PARVB: variants seen among roughly 807,000 people sequenced by gnomAD.
The protein encoded by PARVB is parvin beta.
A neutral mutation model predicts 47.0 loss-of-function variants in PARVB; 46 were observed. The ratio of observed to expected loss-of-function variants is 0.98; its 90% CI spans 0.77 to 1.25. The LOEUF (loss-of-function observed/expected upper bound fraction) is 1.25. Ranked by LOEUF, PARVB falls within the 50% of genes most tolerant of loss-of-function variation. The pLI is 0.00. For synonymous variants in PARVB, 196 were observed against 196.3 expected, an observed-to-expected ratio of 1.00 and a Z score of 0.01; for missense variants, 473 against 471.6, an observed-to-expected ratio of 1.00 and a Z score of -0.03.
At position 44,136,400 on chromosome 22, in the gene PARVB, A is replaced by G. The variant is rs1217642110; in HGVS notation, c.634-60A>G. 2.8e-6 allele frequency: 4 copies of G among 1,450,928 alleles called. No individual in the cohort carries two copies. The Admixed American group carries it at 5.0e-5, about 18-fold the overall frequency. 89.9% of individuals were successfully genotyped at this position (1,450,928 alleles called of 1,614,324 possible). ...GCCCCGCAGCTTCGTCTGCCCTGTC[A>G]GTGCATCTTTCCTCAACTCTCCACT... On this transcript the variant is annotated intron_variant, in intron 6 of 12. Transcript: ENST00000338758.
At chr22:44,162,739 GC>G (rs2054080195) in intron 11 of PARVB, 1 of 152,284 alleles carries the variant, frequency 6.6e-6, no homozygotes, top group South Asian at 2.1e-4. Context: ...CAGGTGGGTG[GC>G]TGGATGTAAT....
intron 2 of PARVB, among the ~76,000 whole-genome samples, chr22:44,014,628 G>A (rs1302109159): frequency 6.6e-6 from 1 of 152,192 alleles, no homozygotes; most frequent in African/African-American, 2.4e-5. Context: ...GCTCTGCAAA[G>A]CAATTTGGAA....
chr22:44,132,395 T>C (rs1256432380), intron 5 of PARVB, among the ~76,000 whole-genome samples: 1 of 152,198 alleles, frequency 6.6e-6, no homozygotes, highest in African/African-American at 2.4e-5. Flanking sequence ...GTCCGCATGC[T>C]GAGGAAGAGA....
chr22:44,023,537 CAAAATAAAATAAAATAAAAT>C (rs869277920), upstream of PARVB, among the ~76,000 whole-genome samples: 1,887 of 127,288 alleles, frequency 0.015, 52 homozygotes, highest in African/African-American at 0.048. Flanking sequence ...TAAAACAAAA[CAAAATAAAATAAAATAAAAT>C]AAAATAAAAT....
intron 1 of PARVB, among the ~76,000 whole-genome samples, chr22:44,086,183 C>T (rs1230688994): frequency 1.3e-5 from 2 of 152,122 alleles, no homozygotes; most frequent in Admixed American, 6.5e-5. Flanking sequence ...ATAAATACAC[C>T]GAGCTCATTA....
intron 1 of PARVB, among the ~76,000 whole-genome samples, chr22:44,042,825 G>T (rs1408724460): frequency 6.6e-6 from 1 of 152,096 alleles, no homozygotes; most frequent in East Asian, 1.9e-4. Flanking sequence ...GCCCTGCTTT[G>T]TTACAGCTCT....
At chr22:44,040,670 C>G (rs1263151928) in intron 1 of PARVB, among the ~76,000 whole-genome samples, 1 of 152,186 alleles carries the variant, frequency 6.6e-6, no homozygotes, top group Non-Finnish European at 1.5e-5. Context: ...TGATTTTAGC[C>G]AGTGAGACCC....
At chr22:44,078,544 CG>C (rs1043108549) in intron 1 of PARVB, among the ~76,000 whole-genome samples, 1 of 152,142 alleles carries the variant, frequency 6.6e-6, no homozygotes, top group Non-Finnish European at 1.5e-5. Context: ...TCAATCACAT[CG>C]GGCCCCCTGA....
At position 44,008,955 on chromosome 22, in the gene PARVB, C is replaced by T. The variant is rs185895959; in HGVS notation, c.211+9282C>T. ...AGTGAGCCGAGATCGCACCACTGTGCTCCAGCCTGGGCGACAGAACGAGAC... is the reference window on the plus strand; with the variant it reads ...AGTGAGCCGAGATCGCACCACTGTGTTCCAGCCTGGGCGACAGAACGAGAC... On this transcript the variant is annotated intron_variant, in intron 2 of 13. Coordinates refer to the PARVB transcript ENST00000406477. 3.5e-3 allele frequency among the ~76,000 whole-genome samples: 536 copies of T among 152,218 alleles called. 4 individuals are homozygous for T. The highest frequency in any genetic ancestry group is 0.012 in the African/African-American group (518 of 41,522).
intron 1 of PARVB, among the ~76,000 whole-genome samples, chr22:44,024,807 G>A (rs2050702005): frequency 6.6e-6 from 1 of 152,138 alleles, no homozygotes; most frequent in African/African-American, 2.4e-5. Context: ...TTCATTCCAT[G>A]AGCAGTGACG....
intron 2 of PARVB, among the ~76,000 whole-genome samples, chr22:44,014,691 A>T (rs914244506): frequency 6.6e-6 from 1 of 152,214 alleles, no homozygotes; most frequent in Non-Finnish European, 1.5e-5. Context: ...TAAACTCCAC[A>T]GGAGCCAGGC....
At chr22:44,057,109 G>T (rs148105357) in intron 1 of PARVB, among the ~76,000 whole-genome samples, 2,670 of 150,664 alleles carry the variant, frequency 0.018, 85 homozygotes, top group African/African-American at 0.057. Flanking sequence ...TTTGTCCTGC[G>T]TGTCTCAACC....
chr22:44,030,780 G>A lies in PARVB; in HGVS notation c.112+6329G>A, dbSNP rs1031874165. The stretch of plus-strand genomic sequence containing the variant: ...GGGTGGGAAAGGATTTGCAAGGAGT[G>A]TGGTCTCTTTTGGACGATTTTTCAG... On this transcript the variant is annotated intron_variant, in intron 1 of 12. Transcript: ENST00000338758. Among the ~76,000 whole-genome samples, 3 of 152,128 alleles carry A rather than the reference G, an allele frequency of 2.0e-5. No homozygotes were observed. In the East Asian group the frequency reaches 5.8e-4, roughly 29 times the overall value.
intron 2 of PARVB, among the ~76,000 whole-genome samples, chr22:44,005,828 T>G (rs1322248132): frequency 1.3e-5 from 2 of 152,244 alleles, no homozygotes; most frequent in African/African-American, 2.4e-5. Context: ...CAGACAATTC[T>G]GTAACCAGGG....
At chr22:44,127,439 A>G (rs569368875) in intron 4 of PARVB, among the ~76,000 whole-genome samples, 30 of 152,342 alleles carry the variant, frequency 2.0e-4, no homozygotes, top group African/African-American at 7.2e-4. Context: ...CCAGGATGCC[A>G]GGAATGACAC....
intron 1 of PARVB, among the ~76,000 whole-genome samples, chr22:44,039,603 G>T (rs1282720853): frequency 6.6e-6 from 1 of 151,960 alleles, no homozygotes; most frequent in African/African-American, 2.4e-5. Context: ...AATGTTCATA[G>T]CAGCTTCATT....
intron 1 of PARVB, among the ~76,000 whole-genome samples, chr22:44,027,721 A>T (rs1258229518): frequency 6.6e-6 from 1 of 151,984 alleles, no homozygotes; most frequent in Non-Finnish European, 1.5e-5. Flanking sequence ...AACATGGTGA[A>T]ACCCCATCTC....
At chr22:44,036,309 A>G (rs1318137615) in intron 1 of PARVB, among the ~76,000 whole-genome samples, 1 of 152,178 alleles carries the variant, frequency 6.6e-6, no homozygotes. Context: ...CTGCATCTTT[A>G]CATTTGTTTA....
At chr22:43,999,951 G>A (rs1361478224) in intron 2 of PARVB, among the ~76,000 whole-genome samples, 1 of 151,550 alleles carries the variant, frequency 6.6e-6, no homozygotes, top group Non-Finnish European at 1.5e-5. Flanking sequence ...AGGCTGCAGT[G>A]AGCCGTGATT....
Sources: gnomAD v4.1 joint callset for allele counts (sites outside exome capture counted in the v4.1 genomes callset) on GRCh38, gnomAD v4.1.1 for gene constraint, MANE v1.5 for transcripts, NCBI Gene and HGNC (gene_info 2026-07-23, HGNC 2026-07-21) for gene names.